MEI1: variants seen among roughly 807,000 people sequenced by gnomAD.
MEI1 encodes the protein meiosis inhibitor protein 1.
In MEI1, 103 loss-of-function variants were observed where a neutral mutation model predicts 146.2. The ratio of observed to expected loss-of-function variants is 0.70; its 90% confidence interval spans 0.60 to 0.83. The LOEUF is 0.83. MEI1 is among the 40% of genes least tolerant of loss of function. MEI1 has a pLI of 0.00. For missense variants in MEI1, 1,529 were observed against 1,533.0 expected (o/e 1.00, Z 0.04); for synonymous variants, 652 against 628.2 (o/e 1.04, Z -0.57).
intron 19 of MEI1, chr22:41,767,468 A>G (rs1309078240): frequency 2.3e-6 from 1 of 429,942 alleles, no homozygotes; most frequent in Non-Finnish European, 4.8e-6. Context: ...GATGTGTGTT[A>G]AGGTATGTGT....
intron 2 of MEI1, among the ~76,000 whole-genome samples, chr22:41,704,077 C>T (rs530775848): frequency 6.6e-6 from 1 of 152,300 alleles, no homozygotes; most frequent in South Asian, 2.1e-4. Context: ...TGACCCTGCT[C>T]AACTTACTTT....
intron 26 of MEI1, among the ~76,000 whole-genome samples, chr22:41,791,935 A>G (rs2076196960): frequency 6.6e-6 from 1 of 152,220 alleles, no homozygotes. Flanking sequence ...TGGAAAAGGC[A>G]AATTCATGGA....
At chr22:41,780,581 CTTTTTTTT>C (rs1245310767) in intron 22 of MEI1, among the ~76,000 whole-genome samples, 1 of 134,318 alleles carries the variant, frequency 7.4e-6, no homozygotes, top group Non-Finnish European at 1.6e-5. Context: ...TTTTTCTTTT[CTTTTTTTT>C]TTTTTTTTTG....
intron 19 of MEI1, among the ~76,000 whole-genome samples, chr22:41,764,605 A>G (rs1421534490): frequency 6.6e-6 from 1 of 152,224 alleles, no homozygotes; most frequent in Non-Finnish European, 1.5e-5. Context: ...CAGAAGCAAT[A>G]TTCTATGAAA....
intron 24 of MEI1, among the ~76,000 whole-genome samples, chr22:41,783,817 C>T (rs1362638968): frequency 6.6e-6 from 1 of 152,168 alleles, no homozygotes; most frequent in East Asian, 1.9e-4. Flanking sequence ...GTAGCAAGAA[C>T]TACAGACACA....
chr22:41,768,390 C>CAA (rs11323279), intron 19 of MEI1, among the ~76,000 whole-genome samples: 4 of 125,680 alleles, frequency 3.2e-5, no homozygotes, highest in Admixed American at 1.6e-4. Context: ...CCCTGTCTCC[C>CAA]AAAAAAAAAA....
In MEI1 at chr22:41,707,690, T is replaced by C. The variant is rs144547061; in HGVS notation, c.349+2136T>C. ...ACTTACATGAATGGGAAGACTTATA[T>C]GAATGGGAAGACTTACATGAATGGG... is the stretch of plus-strand genomic sequence containing the variant. On this transcript the variant is annotated intron_variant, in intron 3 of 30. Transcript: ENST00000401548. 5.3e-5 allele frequency among the ~76,000 whole-genome samples: 8 copies of C among 152,156 alleles called. No individual in the cohort carries two copies. The East Asian group carries it at 1.5e-3, about 29-fold the overall frequency.
chr22:41,765,096 C>A (rs764747619), intron 19 of MEI1, among the ~76,000 whole-genome samples: 6 of 152,182 alleles, frequency 3.9e-5, no homozygotes, highest in Non-Finnish European at 8.8e-5. Flanking sequence ...CCTCCGCTTC[C>A]CAGGTTCAAG....
rs371311783 is a variant in MEI1 at position 41,709,532 on chromosome 22, A to T, written c.349+3978A>T. ...GCGGGATGTAGGTGCTGTGCGCGGG[A>T]TGCAGCGGCACACGGGCTTTGGTCG... On this transcript the variant is annotated intron_variant, in intron 3 of 30. Transcript: ENST00000401548. 5.3e-6 allele frequency: 3 copies of T among 564,554 alleles called. No individual in the cohort carries two copies. The African/African-American group carries it at 5.6e-5, about 11-fold the overall frequency. The allele number at this position is 564,554 out of a possible 1,614,324, so 35.0% of individuals were successfully genotyped here.
chr22:41,756,723 C>A (rs1464238930), intron 17 of MEI1, among the ~76,000 whole-genome samples: 1 of 152,252 alleles, frequency 6.6e-6, no homozygotes, highest in Non-Finnish European at 1.5e-5. Context: ...ATCCACCTGC[C>A]TTGGTTTCCC....
chr22:41,742,129 G>A (rs1300349799), intron 11 of MEI1, among the ~76,000 whole-genome samples: 1 of 152,146 alleles, frequency 6.6e-6, no homozygotes, highest in East Asian at 1.9e-4. Context: ...GTGTAGTGGT[G>A]TGCGCCTGTA....
At chr22:41,721,234 G>GTTTTTT (rs2070761644) in intron 6 of MEI1, among the ~76,000 whole-genome samples, 7 of 114,518 alleles carry the variant, frequency 6.1e-5, no homozygotes, top group African/African-American at 2.9e-4. Flanking sequence ...CACCACGCCC[G>GTTTTTT]TTCTTTTTTT....
At chr22:41,746,051 A>G (rs1223130186) in intron 14 of MEI1, 25 bp downstream of exon 14, 1 of 1,557,956 alleles carries the variant, frequency 6.4e-7, no homozygotes, top group Non-Finnish European at 8.7e-7. Flanking sequence ...GCCACGGGCA[A>G]CATGAAGCTT....
intron 22 of MEI1, 38 bp from the exon 23 acceptor site, chr22:41,781,246 T>C: frequency 6.7e-7 from 1 of 1,499,320 alleles, no homozygotes. Context: ...GTGTGAGTGT[T>C]TTGCGACAGG....
In MEI1 at chr22:41,781,313, A is replaced by G. The variant is rs73163330; in HGVS notation, c.2845A>G (p.Thr949Ala). 21,799 of 1,612,936 alleles carry G rather than the reference A, an allele frequency of 0.014. 370 individuals are homozygous for G. Among genetic ancestry groups the G allele is most frequent in the Admixed American group, 0.066 (3,970 of 59,854 alleles). Reference sequence around the variant, plus strand: ...CAAGCTGTGTGGGAAGTGCAGCCCCACTGACGTGGACATCCTGCAGCCCTC... The same window carrying G: ...CAAGCTGTGTGGGAAGTGCAGCCCCGCTGACGTGGACATCCTGCAGCCCTC... The part of the protein sequence containing the change: ...VSKLCGKCSP[T>A]DVDILQPSFN... The change falls in exon 23 of 31, where the codon ACT becomes GCT. Residue 949 changes from threonine to alanine, a missense_variant. This residue lies in a region of MEI1 where 1,212 missense variants were observed against 1,178.9 expected (regional missense o/e 1.03). Coordinates refer to ENST00000401548, the MANE Select transcript of MEI1 (RefSeq NM_152513.4).
intron 11 of MEI1, among the ~76,000 whole-genome samples, chr22:41,735,238 T>G (rs1477340576): frequency 1.3e-5 from 2 of 148,418 alleles, no homozygotes; most frequent in African/African-American, 5.0e-5. Context: ...TTTTTTTTTT[T>G]TTTTTTTTTT....
At position 41,727,315 on chromosome 22, in the gene MEI1, G is replaced by T. The variant is rs868053141; in HGVS notation, c.865-2350G>T. 4.6e-5 allele frequency among the ~76,000 whole-genome samples: 7 copies of T among 152,252 alleles called. No individual in the cohort carries two copies. The Middle Eastern group carries it at 0.01, about 222-fold the overall frequency. On this transcript the variant is annotated intron_variant, in intron 7 of 30. Transcript: ENST00000401548. ...TTTCTCCCCCAAAATCAGCTTCTATGATACTTAAAATCTGTGGTTGCAGTT... is the reference window on the plus strand; with the variant it reads ...TTTCTCCCCCAAAATCAGCTTCTATTATACTTAAAATCTGTGGTTGCAGTT...
intron 12 of MEI1, among the ~76,000 whole-genome samples, chr22:41,744,089 C>G (rs898875407): frequency 1.3e-5 from 2 of 151,704 alleles, no homozygotes; most frequent in Non-Finnish European, 1.5e-5. Context: ...GTTGGCCAGG[C>G]TGGTCTCGAA....
chr22:41,717,685 G>T (rs530412670), intron 5 of MEI1, among the ~76,000 whole-genome samples: 2 of 148,434 alleles, frequency 1.3e-5, no homozygotes, highest in African/African-American at 5.0e-5. Flanking sequence ...GCATGATCTC[G>T]GCTCACTGCA....
Sources: gnomAD v4.1 joint callset for allele counts (sites outside exome capture counted in the v4.1 genomes callset) on GRCh38, gnomAD v4.1.1 for gene constraint, gnomAD v4.1.1 regional missense constraint, MANE v1.5 for transcripts, NCBI Gene and HGNC (gene_info 2026-07-23, HGNC 2026-07-21) for gene names.